XRCC4: variants seen among roughly 807,000 people sequenced by gnomAD.
XRCC4 encodes the protein X-ray repair cross complementing 4, also known as DNA repair protein XRCC4.
In XRCC4, 28 loss-of-function variants were observed where a neutral mutation model predicts 39.1. That is an observed-to-expected ratio of 0.72 (90% CI 0.53 to 0.98). The LOEUF (loss-of-function observed/expected upper bound fraction) is 0.98. XRCC4 is among the 50% of genes least tolerant of loss of function. The pLI, the probability that XRCC4 is intolerant of heterozygous loss-of-function variation, is 0.00. For synonymous variants in XRCC4, 123 were observed against 126.4 expected (o/e 0.97, Z 0.18); for missense variants, 350 against 376.4 (o/e 0.93, Z 0.58).
intron 6 of XRCC4, among the ~76,000 whole-genome samples, chr5:83,208,084 C>T (rs1390741971): frequency 6.6e-6 from 1 of 151,900 alleles, no homozygotes; most frequent in Non-Finnish European, 1.5e-5. Context: ...GGATTTTTAT[C>T]ATTAATTATT....
chr5:83,139,340 T>A (rs1296223605), intron 3 of XRCC4, among the ~76,000 whole-genome samples: 1 of 152,198 alleles, frequency 6.6e-6, no homozygotes, highest in Non-Finnish European at 1.5e-5. Flanking sequence ...CCTTTCTCAG[T>A]GTAACATATT....
At chr5:83,325,250 T>C (rs1479703044) in intron 7 of XRCC4, among the ~76,000 whole-genome samples, 1 of 152,142 alleles carries the variant, frequency 6.6e-6, no homozygotes, top group African/African-American at 2.4e-5. Flanking sequence ...CCAAATTTCA[T>C]TTTATTTTGT....
At chr5:83,281,969 C>G (rs1306317660) in intron 7 of XRCC4, among the ~76,000 whole-genome samples, 1 of 152,216 alleles carries the variant, frequency 6.6e-6, no homozygotes, top group Non-Finnish European at 1.5e-5. Flanking sequence ...ATCCATTAGT[C>G]ACCCAGTGGC....
intron 3 of XRCC4, among the ~76,000 whole-genome samples, chr5:83,166,802 T>C (rs1229294469): frequency 2.6e-5 from 4 of 152,078 alleles, no homozygotes; most frequent in Admixed American, 6.5e-5. Context: ...TGCTCAACTT[T>C]GCCAGCATCC....
At chr5:83,228,985 T>C (rs1420227054) in intron 6 of XRCC4, among the ~76,000 whole-genome samples, 1 of 152,104 alleles carries the variant, frequency 6.6e-6, no homozygotes, top group Admixed American at 6.6e-5. Context: ...TTCAACCTAA[T>C]ATTTATAGTT....
intron 6 of XRCC4, among the ~76,000 whole-genome samples, chr5:83,219,916 A>G (rs1196278979): frequency 6.6e-6 from 1 of 152,140 alleles, no homozygotes; most frequent in Non-Finnish European, 1.5e-5. Context: ...TATATTCAAC[A>G]TAGTCATCTT....
intron 6 of XRCC4, among the ~76,000 whole-genome samples, chr5:83,205,967 C>T (rs1016034826): frequency 6.6e-5 from 10 of 151,842 alleles, no homozygotes; most frequent in African/African-American, 1.5e-4. Context: ...GTTCCTGACG[C>T]GTTTAAGCAA....
At chr5:83,306,053 A>T (rs1406024309) in intron 7 of XRCC4, among the ~76,000 whole-genome samples, 1 of 152,172 alleles carries the variant, frequency 6.6e-6, no homozygotes, top group East Asian at 1.9e-4. Flanking sequence ...TTGCTCAGTT[A>T]TCCAGTTTTA....
At chr5:83,274,521 T>C (rs1447636267) in intron 7 of XRCC4, among the ~76,000 whole-genome samples, 2 of 152,174 alleles carry the variant, frequency 1.3e-5, no homozygotes, top group Non-Finnish European at 2.9e-5. Context: ...TATGTTTTAG[T>C]GGTGTGAAAC....
rs193035287 is a variant in XRCC4, at chr5:83,102,023, C to T, written c.-10-2887C>T. Among the ~76,000 whole-genome samples the T allele has an allele frequency of 2.0e-5, 3 of 150,724 alleles. No individual in the cohort carries two copies. The East Asian group carries it at 5.8e-4, about 29-fold the overall frequency. ...TTTAGAATGATGTAGCTGCCAAAAA[C>T]ATAACAAAATACCCTCAACACAACC... On this transcript the variant is annotated intron_variant, in intron 1 of 7. Transcript: ENST00000396027.
intron 6 of XRCC4, among the ~76,000 whole-genome samples, chr5:83,227,774 C>G (rs577041316): frequency 6.6e-6 from 1 of 152,162 alleles, no homozygotes; most frequent in African/African-American, 2.4e-5. Context: ...CTGTTCTACT[C>G]AGGCTTTTTC....
In XRCC4 at chr5:83,103,009, G is replaced by GATATATATATATACAT. The variant is rs1554054065; in HGVS notation, c.-10-1888_-10-1887insCATATATATATATATA. 5.6e-3 allele frequency among the ~76,000 whole-genome samples: 601 copies of GATATATATATATACAT among 106,456 alleles called. 20 individuals are homozygous for GATATATATATATACAT. The highest frequency in any genetic ancestry group is 8.2e-3 in the Non-Finnish European group (440 of 53,822). 69.8% of individuals were successfully genotyped at this position (106,456 alleles called of 152,430 possible). ...ATAGGGTTCCAGTAAAGATAGAGCTGATATATATATATATATATATATGTC... is the reference window on the plus strand; with the variant it reads ...ATAGGGTTCCAGTAAAGATAGAGCTGATATATATATATACATATATATATATATATATATATATGTC... On this transcript the variant is annotated intron_variant, in intron 1 of 7. Coordinates refer to ENST00000396027, the MANE Select transcript of XRCC4 (RefSeq NM_003401.5).
chr5:83,256,922 A>G (rs1753562936), intron 6 of XRCC4, among the ~76,000 whole-genome samples: 1 of 152,130 alleles, frequency 6.6e-6, no homozygotes, highest in South Asian at 2.1e-4. Flanking sequence ...AGATAGTAAT[A>G]ATAAGTACTT....
the XRCC4 span, among the ~76,000 whole-genome samples, chr5:83,363,660 G>C: frequency 6.6e-6 from 1 of 152,182 alleles, no homozygotes; most frequent in Non-Finnish European, 1.5e-5. Context: ...CGCCTAACCT[G>C]CCCACAACCA....
Position 83,353,469 on chromosome 5 carries a change from A to G in XRCC4, c.*227A>G. ...TCTAAACTATTCATTCAGCATGCCT[A>G]TAATTACATAAATTGTATGAGACTT... is the stretch of plus-strand genomic sequence containing the variant. On this transcript the variant is annotated 3_prime_UTR_variant, in exon 8 of 8. Coordinates refer to ENST00000396027, the MANE Select transcript of XRCC4 (RefSeq NM_003401.5). 3.0e-6 allele frequency: 1 copy of G among 329,444 alleles called. No homozygotes were observed. Among genetic ancestry groups the G allele is most frequent in the Non-Finnish European group, 5.5e-6 (1 of 181,986 alleles). The allele number at this position is 329,444 out of a possible 1,614,324, so 20.4% of individuals were successfully genotyped here. A position where few individuals can be genotyped will look rare whatever the true frequency, so the allele number is the denominator to read the frequency against.
At chr5:83,174,268 C>T (rs1253704523) in intron 3 of XRCC4, among the ~76,000 whole-genome samples, 1 of 152,140 alleles carries the variant, frequency 6.6e-6, no homozygotes, top group Non-Finnish European at 1.5e-5. Context: ...AGTGCCAAAG[C>T]ATTTCTCATA....
At chr5:83,279,117 A>G (rs1754446660) in intron 7 of XRCC4, among the ~76,000 whole-genome samples, 1 of 147,810 alleles carries the variant, frequency 6.8e-6, no homozygotes, top group African/African-American at 2.5e-5. Flanking sequence ...TTATATCTAT[A>G]TCAGTTTGAA....
intron 6 of XRCC4, among the ~76,000 whole-genome samples, chr5:83,212,128 A>G (rs182347426): frequency 1.3e-5 from 2 of 152,230 alleles, no homozygotes; most frequent in East Asian, 1.9e-4. Context: ...ATATATACAC[A>G]TATGTATGTG....
rs1465395529 is a variant in XRCC4, at chr5:83,140,545, A to G, written c.315+29342A>G. Among the ~76,000 whole-genome samples, 3 of 152,228 alleles carry G rather than the reference A, an allele frequency of 2.0e-5. No individual in the cohort carries two copies. In the East Asian group the frequency reaches 5.8e-4, roughly 29 times the overall value. On this transcript the variant is annotated intron_variant, in intron 3 of 7. Transcript: ENST00000396027. ...GCAACACCCTTAAAGACACACCGAGATACAATATTTTGCCAGCTATCTAGG... is the reference window on the plus strand; with the variant it reads ...GCAACACCCTTAAAGACACACCGAGGTACAATATTTTGCCAGCTATCTAGG...
Sources: gnomAD v4.1 joint callset for allele counts (sites outside exome capture counted in the v4.1 genomes callset) on GRCh38, gnomAD v4.1.1 for gene constraint, MANE v1.5 for transcripts, NCBI Gene and HGNC (gene_info 2026-07-23, HGNC 2026-07-21) for gene names.